Variants in GRK6 observed in about 807,000 individuals in gnomAD.
The protein encoded by GRK6 is G protein-coupled receptor kinase 6.
In GRK6, 37 loss-of-function variants were observed where a neutral mutation model predicts 80.8. The ratio of observed to expected loss-of-function variants is 0.46; its 90% confidence interval spans 0.35 to 0.60. The LOEUF (loss-of-function observed/expected upper bound fraction) is 0.60. Ranked by LOEUF, GRK6 falls within the 20% of genes least tolerant of loss-of-function variation. The probability of loss-of-function intolerance (pLI) is 0.00; values close to 1 mark genes in which losing one functional copy is unlikely to be tolerated. For missense variants in GRK6, 560 were observed against 784.6 expected (o/e 0.71, Z 3.42); for synonymous variants, 295 against 320.9 (o/e 0.92, Z 0.86).
chr5:177,425,526 CTATT>C (rs772060127), upstream of GRK6, among the ~76,000 whole-genome samples: 3 of 152,248 alleles, frequency 2.0e-5, no homozygotes, highest in Non-Finnish European at 4.4e-5. Context: ...CTGAAACCAT[CTATT>C]TGTTTATTTA....
chr5:177,431,880 A>G, intron 2 of GRK6, 115 bp from the exon 3 acceptor site: 1 of 882,084 alleles, frequency 1.1e-6, no homozygotes, highest in Non-Finnish European at 1.9e-6. Context: ...GATTGTGGCT[A>G]CCACACTGCA....
chr5:177,431,049 G>A (rs372985466), intron 2 of GRK6, 82 bp downstream of exon 2: 21 of 1,104,124 alleles, frequency 1.9e-5, no homozygotes, highest in African/African-American at 4.7e-5. Flanking sequence ...ACCTTGCCCC[G>A]GAGCAGAGGG....
Position 177,426,888 on chromosome 5 carries a change from G to T in GRK6, c.43G>T (p.Ala15Ser). The T allele has an allele frequency of 7.2e-7, 1 of 1,396,916 alleles. No individual in the cohort carries two copies. The highest frequency in any genetic ancestry group is 9.4e-7 in the Non-Finnish European group (1 of 1,068,876). 86.5% of individuals were successfully genotyped at this position (1,396,916 alleles called of 1,614,324 possible). ...CGTAGCGAACACGGTGCTACTCAAG[G>T]CCCGGGAAGGTGAGGCGGCCGGGTG... ...NIVANTVLLK[A>S]REGGGGNRKG... is the part of the protein sequence containing the mutation. The change falls in exon 1 of 16, where the codon GCC becomes TCC. Residue 15 changes from alanine (A) to serine (S), a missense_variant. Coordinates refer to ENST00000355472, the MANE Select transcript of GRK6 (RefSeq NM_001004106.3).
intron 13 of GRK6, 84 bp downstream of exon 13, chr5:177,436,614 C>T: frequency 7.7e-7 from 1 of 1,306,052 alleles, no homozygotes; most frequent in Non-Finnish European, 1.1e-6. Flanking sequence ...CAGGATGCTT[C>T]CAGTGCAAGT....
rs1464315015 is a variant in GRK6, at chr5:177,431,997, C to T, written c.151C>T (p.Arg51Cys). 2.5e-6 allele frequency: 4 copies of T among 1,612,662 alleles called. No individual in the cohort carries two copies. Among genetic ancestry groups the T allele is most frequent in the East Asian group, 2.2e-5 (1 of 44,896 alleles). Residue 51 changes from arginine to cysteine, a missense_variant and splice_region_variant, in exon 3 of 16, where the codon CGT (arginine) becomes TGT (cysteine). This residue lies in a region of GRK6 where 189 missense variants were observed against 230.2 expected (regional missense o/e 0.82). Coordinates refer to ENST00000355472, the MANE Select transcript of GRK6 (RefSeq NM_001004106.3). ...GCAGCTTCCATCACTGCCAACAGAG[C>T]GTGACTATCACAGCCTGTGCGAGCG... The part of the protein sequence containing the change: ...QCEELRLSLE[R>C]DYHSLCERQP...
intron 13 of GRK6, among the ~76,000 whole-genome samples, chr5:177,440,269 AT>A (rs1764402168): frequency 6.6e-6 from 1 of 152,178 alleles, no homozygotes; most frequent in South Asian, 2.1e-4. Context: ...CAGTCCTCTG[AT>A]TGGCTGGGAG....
At chr5:177,441,372 C>G (rs1311481192) in intron 15 of GRK6, 1 of 1,215,384 alleles carries the variant, frequency 8.2e-7, no homozygotes, top group Non-Finnish European at 1.2e-6. Flanking sequence ...CTCCCCCTGC[C>G]CACTGCTTTG....
chr5:177,436,430 G>T lies in GRK6; in HGVS notation c.1304G>T (p.Arg435Leu), dbSNP rs746400339. The change falls in exon 13 of 16, where the codon CGT (arginine) becomes CTT (leucine). Residue 435 changes from arginine (R) to leucine (L), a missense_variant. Physicochemically the swap from Arg to Leu is moderately radical, Grantham distance 102. This residue lies in a region of GRK6 where 294 missense variants were observed against 397.4 expected (regional missense o/e 0.74). Coordinates refer to ENST00000355472, the MANE Select transcript of GRK6 (RefSeq NM_001004106.3). ...GACCCTGCCGAACGCCTGGGGTGTCGTGGGGGCAGTGCCCGCGAGGTGAAG... is the reference window on the plus strand; with the variant it reads ...GACCCTGCCGAACGCCTGGGGTGTCTTGGGGGCAGTGCCCGCGAGGTGAAG... ...CKDPAERLGC[R>L]GGSAREVKEH... 5.6e-6 allele frequency: 9 copies of T among 1,613,036 alleles called. No individual in the cohort carries two copies. The South Asian group carries it at 9.9e-5, about 18-fold the overall frequency.
rs1763779798 is a variant in GRK6 at position 177,428,979 on chromosome 5, C to G, written c.53-1893C>G. 6.6e-6 allele frequency among the ~76,000 whole-genome samples: 1 copy of G among 152,040 alleles called. No individual in the cohort carries two copies. Among genetic ancestry groups the G allele is most frequent in the Admixed American group, 6.5e-5 (1 of 15,270 alleles). ...CCTTGGTGTGTGTATACAGTTGGCA[C>G]CTAATAGATGCCAGCCATGTTTGGG... On this transcript the variant is annotated intron_variant, in intron 1 of 15. Coordinates refer to ENST00000355472, the MANE Select transcript of GRK6 (RefSeq NM_001004106.3). This position sits in a 1 kb window ranked among gnomAD's most constrained non-coding sequence, Gnocchi z 4.1.
chr5:177,438,283 G>A (rs1475467580), intron 13 of GRK6, among the ~76,000 whole-genome samples: 2 of 152,100 alleles, frequency 1.3e-5, no homozygotes, highest in African/African-American at 4.8e-5. Flanking sequence ...CAGGAGAATC[G>A]CTTGAACCCA....
At chr5:177,441,645 C>A in intron 15 of GRK6, 92 bp from the exon 16 acceptor site, 1 of 1,092,686 alleles carries the variant, frequency 9.2e-7, no homozygotes, top group Non-Finnish European at 1.4e-6. Context: ...CCTGGCCTGC[C>A]CTGGCAGGGT....
At chr5:177,426,265 G>T (rs180974568), upstream of GRK6, among the ~76,000 whole-genome samples, 284 of 152,340 alleles carry the variant, frequency 1.9e-3, no homozygotes, top group African/African-American at 6.6e-3. Flanking sequence ...GCCAAAGGCC[G>T]CCGGGCCACA....
rs866525898 is a variant in GRK6 at position 177,435,218 on chromosome 5, G to A, written c.1057+97G>A. ...TCTGTCTGGGAGTCTTCTCTCAAAAGGGGCCTCAGTAGAAAGGGCCCATGC... is the reference window on the plus strand; with the variant it reads ...TCTGTCTGGGAGTCTTCTCTCAAAAAGGGCCTCAGTAGAAAGGGCCCATGC... On this transcript the variant is annotated intron_variant, in intron 11 of 15. Coordinates refer to ENST00000355472, the MANE Select transcript of GRK6 (RefSeq NM_001004106.3). 1.8e-5 allele frequency: 16 copies of A among 882,590 alleles called. No individual in the cohort carries two copies. In the South Asian group the frequency reaches 2.7e-4, roughly 15 times the overall value. 54.7% of individuals were successfully genotyped at this position (882,590 alleles called of 1,614,324 possible). A position where few individuals can be genotyped will look rare whatever the true frequency, so the allele number is the denominator to read the frequency against.
In GRK6 at chr5:177,427,014, A is replaced by G. The variant is rs959611529; in HGVS notation, c.52+117A>G. On this transcript the variant is annotated intron_variant, in intron 1 of 15. Coordinates refer to ENST00000355472, the MANE Select transcript of GRK6 (RefSeq NM_001004106.3). ...CCTAGGCCCGCGGGCCCTGCGCCTT[A>G]CACCCCGCCCAGACACGAGCCTTTC... The G allele has an allele frequency of 3.4e-5, 17 of 501,246 alleles. No homozygotes were observed. The Admixed American group carries it at 5.5e-4, about 16-fold the overall frequency. The allele number at this position is 501,246 out of a possible 1,614,324, so 31.0% of individuals were successfully genotyped here. A position where few individuals can be genotyped will look rare whatever the true frequency, so the allele number is the denominator to read the frequency against.
chr5:177,440,306 G>A (rs1330380030), intron 13 of GRK6, among the ~76,000 whole-genome samples: 4 of 152,218 alleles, frequency 2.6e-5, no homozygotes, highest in Admixed American at 6.5e-5. Flanking sequence ...CCAGGTCATC[G>A]CAGGGCGGGG....
chr5:177,436,030 GC>G, intron 11 of GRK6, 42 bp from the exon 12 acceptor site: 7 of 1,559,954 alleles, frequency 4.5e-6, no homozygotes, highest in Non-Finnish European at 6.2e-6. Context: ...AGGGTCCACT[GC>G]CCGCCTCCTG....
upstream of GRK6, among the ~76,000 whole-genome samples, chr5:177,426,158 G>A (rs534280272): frequency 2.0e-5 from 3 of 152,196 alleles, no homozygotes; most frequent in Non-Finnish European, 2.9e-5. Context: ...AAGGGAATAC[G>A]GCCACACAAG....
chr5:177,436,164 G>T lies in GRK6; in HGVS notation c.1149G>T (p.Ser383=), dbSNP rs1343750832. 3 of 1,614,050 alleles carry T rather than the reference G, an allele frequency of 1.9e-6. No individual in the cohort carries two copies. Among genetic ancestry groups the T allele is most frequent in the Non-Finnish European group, 2.5e-6 (3 of 1,180,036 alleles). The change falls in exon 12 of 16, where the codon TCG becomes TCT. Residue 383 remains serine (S), a synonymous_variant. Coordinates refer to ENST00000355472, the MANE Select transcript of GRK6 (RefSeq NM_001004106.3). The part of the protein sequence containing the change: ...CLLYEMIAGQ[S]PFQQRKKKIK... ...TGTACGAGATGATCGCAGGCCAGTC[G>T]CCCTTCCAGCAGAGGAAGAAGAAGA...
intron 12 of GRK6, 29 bp from the exon 13 acceptor site, chr5:177,436,364 C>T: frequency 1.1e-6 from 1 of 880,708 alleles, no homozygotes; most frequent in Non-Finnish European, 1.7e-6. Context: ...ACCTGCCTGG[C>T]CTGCCTGGCC....
Sources: allele counts gnomAD v4.1 joint callset (sites outside exome capture counted in the v4.1 genomes callset), GRCh38; gene constraint gnomAD v4.1.1; regional missense constraint gnomAD v4.1.1; non-coding constraint Gnocchi (gnomAD v3.1); transcripts MANE v1.5; gene names NCBI Gene and HGNC (gene_info 2026-07-23, HGNC 2026-07-21).